Variants in GRID2 observed in about 807,000 individuals in gnomAD.
The protein encoded by GRID2 is glutamate ionotropic receptor delta type subunit 2.
A neutral mutation model predicts 114.8 loss-of-function variants in GRID2; 33 were observed. The observed-to-expected ratio is 0.29, with a 90% CI of 0.22 to 0.38. The LOEUF (loss-of-function observed/expected upper bound fraction) is 0.38. GRID2 is among the 10% of genes least tolerant of loss of function. The pLI, the probability that GRID2 is intolerant of heterozygous loss-of-function variation, is 1.00. For synonymous variants in GRID2, 505 were observed against 449.9 expected (o/e 1.12, Z -1.55); for missense variants, 1,184 against 1,257.7 (o/e 0.94, Z 0.89).
At chr4:92,961,642 G>C (rs1752824449) in intron 2 of GRID2, among the ~76,000 whole-genome samples, 1 of 151,068 alleles carries the variant, frequency 6.6e-6, no homozygotes, top group South Asian at 2.1e-4. Flanking sequence ...ATTTGTCTAG[G>C]TGTAGGTTTT....
chr4:92,348,530 A>C (rs934378406), intron 1 of GRID2, among the ~76,000 whole-genome samples: 1 of 152,200 alleles, frequency 6.6e-6, no homozygotes, highest in Non-Finnish European at 1.5e-5. Flanking sequence ...TTTCAGAAAG[A>C]CTGAAGAGCT....
rs1491203329 is a variant in GRID2, at chr4:92,676,170, C to CCT, written c.244+85884_244+85885insCT. Among the ~76,000 whole-genome samples, 117 of 49,802 alleles carry CCT rather than the reference C, an allele frequency of 2.3e-3. 3 individuals carry two copies. The highest frequency in any genetic ancestry group is 3.6e-3 in the Non-Finnish European group (82 of 22,784). The allele number at this position is 49,802 out of a possible 152,430, so 32.7% of individuals were successfully genotyped here. ...TGTCGTGTCAAGCCCCCCCCCCCCC[C>CCT]TTTTTTTTTTGTGGTTGTTTTTGTT... On this transcript the variant is annotated intron_variant, in intron 2 of 15. Coordinates refer to ENST00000282020, the MANE Select transcript of GRID2 (RefSeq NM_001510.4).
chr4:92,404,650 T>C (rs538115886), intron 1 of GRID2, among the ~76,000 whole-genome samples: 8 of 152,126 alleles, frequency 5.3e-5, no homozygotes, highest in South Asian at 4.2e-4. Context: ...CAATGATAGA[T>C]TGGATAAAGA....
chr4:93,129,113 A>C (rs1423026274), intron 4 of GRID2, among the ~76,000 whole-genome samples: 1 of 152,184 alleles, frequency 6.6e-6, no homozygotes, highest in Non-Finnish European at 1.5e-5. Context: ...TGCCACTAGG[A>C]GAGTGGAGAA....
At chr4:93,340,569 G>A (rs995607879) in intron 8 of GRID2, among the ~76,000 whole-genome samples, 1 of 151,878 alleles carries the variant, frequency 6.6e-6, no homozygotes, top group African/African-American at 2.4e-5. Flanking sequence ...TCAGTTTTTG[G>A]TTCCTTCTTT....
chr4:92,676,108 A>G (rs541219378), intron 2 of GRID2, among the ~76,000 whole-genome samples: 10 of 147,804 alleles, frequency 6.8e-5, no homozygotes, highest in South Asian at 2.2e-4. Context: ...TTTTTGTTTG[A>G]ATCAGTATTT....
chr4:92,750,466 G>C (rs1379357834), intron 2 of GRID2, among the ~76,000 whole-genome samples: 2 of 142,984 alleles, frequency 1.4e-5, no homozygotes, highest in Admixed American at 7.2e-5. Flanking sequence ...TCTAGTTAAA[G>C]AACATGTCCA....
intron 1 of GRID2, among the ~76,000 whole-genome samples, chr4:93,803,120 G>A (rs2110368658): frequency 6.6e-6 from 1 of 152,238 alleles, no homozygotes; most frequent in South Asian, 2.1e-4. Context: ...GAACTACAGT[G>A]ATCTTTAAAT....
At chr4:93,258,459 T>C (rs1361105024) in intron 8 of GRID2, among the ~76,000 whole-genome samples, 2 of 151,658 alleles carry the variant, frequency 1.3e-5, no homozygotes, top group African/African-American at 2.4e-5. Flanking sequence ...CATGAAAGAA[T>C]TAAAGTTATA....
intron 1 of GRID2, among the ~76,000 whole-genome samples, chr4:92,565,423 G>T (rs535844610): frequency 7.9e-5 from 12 of 151,940 alleles, no homozygotes; most frequent in Admixed American, 6.6e-4. Flanking sequence ...CACTTTATAT[G>T]ACAGTATAAG....
chr4:93,254,835 A>T lies in GRID2; in HGVS notation c.1245+16345A>T, dbSNP rs1202299763. On this transcript the variant is annotated intron_variant, in intron 8 of 15. Transcript: ENST00000282020. ...AAGGCAAATTGGAAATTGGATAATT[A>T]TTCTTGGGACAAACAAAGTAATTAC... Among the ~76,000 whole-genome samples the T allele has an allele frequency of 1.3e-5, 2 of 152,126 alleles. 1 individual carries two copies. The highest frequency in any genetic ancestry group is 6.3e-3 in the Middle Eastern group (2 of 316).
At chr4:93,110,706 C>CA in intron 3 of GRID2, 42 bp from the exon 4 acceptor site, 1 of 1,273,096 alleles carries the variant, frequency 7.9e-7, no homozygotes, top group Non-Finnish European at 1.2e-6. Context: ...TCCTTCTGTA[C>CA]AATAATTCAC....
chr4:92,667,399 G>C (rs1732840964), intron 2 of GRID2, among the ~76,000 whole-genome samples: 1 of 151,486 alleles, frequency 6.6e-6, no homozygotes, highest in African/African-American at 2.4e-5. Context: ...ACTTTCATGA[G>C]TCCCATAATA....
intron 1 of GRID2, among the ~76,000 whole-genome samples, chr4:92,582,715 C>A (rs961148771): frequency 6.6e-6 from 1 of 151,642 alleles, no homozygotes; most frequent in Non-Finnish European, 1.5e-5. Flanking sequence ...GTGATCTCAG[C>A]GCTTTGGGAT....
At position 93,593,979 on chromosome 4, in the gene GRID2, A is replaced by G. The variant is rs1418637344; in HGVS notation, c.2194-32290A>G. On this transcript the variant is annotated intron_variant, in intron 13 of 15. Transcript: ENST00000282020. ...TTCTAAATTTTTTTCAAAGTTTTCA[A>G]CTTCTTTGCCTTTGGTTTGAATGTC... is the stretch of plus-strand genomic sequence containing the variant. 1.1e-4 allele frequency among the ~76,000 whole-genome samples: 17 copies of G among 151,692 alleles called. No homozygotes were observed. In the East Asian group the frequency reaches 2.9e-3, roughly 26 times the overall value.
chr4:93,762,651 C>A (rs1377513792), intron 14 of GRID2, among the ~76,000 whole-genome samples: 1 of 152,130 alleles, frequency 6.6e-6, no homozygotes, highest in East Asian at 1.9e-4. Flanking sequence ...GGGTAGAAGA[C>A]CTAATGCTTC....
chr4:92,880,143 C>T (rs1325947257), intron 2 of GRID2, among the ~76,000 whole-genome samples: 3 of 152,062 alleles, frequency 2.0e-5, no homozygotes, highest in Non-Finnish European at 2.9e-5. Context: ...TGTTTATTCC[C>T]GTTCTGTGAT....
chr4:93,028,882 A>G (rs1250241739), intron 2 of GRID2, among the ~76,000 whole-genome samples: 1 of 152,080 alleles, frequency 6.6e-6, no homozygotes, highest in African/African-American at 2.4e-5. Context: ...GTGACTTACA[A>G]TTTCTGAAGC....
chr4:93,296,902 A>G (rs1321325632), intron 8 of GRID2, among the ~76,000 whole-genome samples: 1 of 152,208 alleles, frequency 6.6e-6, no homozygotes, highest in Non-Finnish European at 1.5e-5. Flanking sequence ...TTACAAGTCA[A>G]ATCTCTTATA....
Sources: gnomAD v4.1 joint callset for allele counts (sites outside exome capture counted in the v4.1 genomes callset) on GRCh38, gnomAD v4.1.1 for gene constraint, MANE v1.5 for transcripts, NCBI Gene and HGNC (gene_info 2026-07-23, HGNC 2026-07-21) for gene names.